CXADR: variants seen among roughly 807,000 people sequenced by gnomAD.
The protein encoded by CXADR is CXADR cell adhesion molecule, also known as coxsackievirus and adenovirus receptor.
Under a neutral mutation model 40.3 loss-of-function variants are expected in CXADR, and 20 were observed. The observed-to-expected ratio is 0.50, with a 90% confidence interval of 0.35 to 0.72. The LOEUF is 0.72. Ranked by LOEUF, CXADR falls within the 30% of genes least tolerant of loss-of-function variation. CXADR has a pLI of 0.01. For synonymous variants in CXADR, 150 were observed against 161.3 expected (o/e 0.93, Z 0.53); for missense variants, 332 against 449.1 (o/e 0.74, Z 2.36).
At chr21:17,594,469 A>C, downstream of CXADR, 1 of 1,024,046 alleles carries the variant, frequency 9.8e-7, no homozygotes, top group Non-Finnish European at 1.4e-6. Flanking sequence ...GTCAGGTCTA[A>C]ATACATTAAA....
At chr21:17,563,843 A>G (rs971960107) in intron 6 of CXADR, among the ~76,000 whole-genome samples, 2 of 147,824 alleles carry the variant, frequency 1.4e-5, no homozygotes, top group African/African-American at 5.0e-5. Flanking sequence ...CGGGAGGCTG[A>G]GGCAAGAGAA....
chr21:17,556,191 G>A (rs533159006), intron 3 of CXADR, among the ~76,000 whole-genome samples: 84 of 152,192 alleles, frequency 5.5e-4, no homozygotes, highest in Non-Finnish European at 8.1e-4. Flanking sequence ...GACTTTATTC[G>A]TGCTCTCTTT....
chr21:17,599,321 C>T, the CXADR span, among the ~76,000 whole-genome samples: 1 of 151,860 alleles, frequency 6.6e-6, no homozygotes, highest in Non-Finnish European at 1.5e-5. Context: ...GCTGGGACTA[C>T]AGGAGTGTAC....
chr21:17,516,817 T>C (rs1600936968), intron 1 of CXADR, among the ~76,000 whole-genome samples: 1 of 45,346 alleles, frequency 2.2e-5, no homozygotes, highest in South Asian at 7.7e-4. Flanking sequence ...GGATTTTAAG[T>C]GTTCTCACCA....
intron 1 of CXADR, among the ~76,000 whole-genome samples, chr21:17,535,074 G>A (rs1052172786): frequency 5.9e-5 from 9 of 151,692 alleles, no homozygotes; most frequent in African/African-American, 9.7e-5. Context: ...GAGCCACCGC[G>A]CCCGGCCTCT....
the CXADR span, among the ~76,000 whole-genome samples, chr21:17,625,304 T>C: frequency 6.6e-6 from 1 of 152,098 alleles, no homozygotes; most frequent in Admixed American, 6.5e-5. Context: ...GCAACTTCTA[T>C]AGGTATCTCC....
chr21:17,611,972 T>C, the CXADR span: 1 of 152,264 alleles, frequency 6.6e-6, no homozygotes, highest in Non-Finnish European at 1.5e-5. Flanking sequence ...CGGCCCGACC[T>C]CAGCGGCGCC....
rs777604400 is a variant in CXADR at position 17,560,832 on chromosome 21, A to G, written c.694+8A>G. Reference sequence around the variant, plus strand: ...GTCTAAACGTTGTCCCTCGTAAGTTATCTTCTTTCTGTTGGTGGTTTTGTT... The same window carrying G: ...GTCTAAACGTTGTCCCTCGTAAGTTGTCTTCTTTCTGTTGGTGGTTTTGTT... On this transcript the variant is annotated splice_region_variant and intron_variant, in intron 5 of 6. Transcript: ENST00000284878. The G allele has an allele frequency of 3.1e-6, 5 of 1,612,116 alleles. No individual in the cohort carries two copies. In the African/African-American group the frequency reaches 6.7e-5, roughly 22 times the overall value.
At chr21:17,631,066 A>G in the CXADR span, among the ~76,000 whole-genome samples, 1 of 152,340 alleles carries the variant, frequency 6.6e-6, no homozygotes, top group Admixed American at 6.5e-5. Context: ...ATAGTTGTAA[A>G]AAGATCAGTA....
At chr21:17,614,207 T>C in the CXADR span, 1 of 152,222 alleles carries the variant, frequency 6.6e-6, no homozygotes, top group Non-Finnish European at 1.5e-5. Flanking sequence ...GGTGTTTTTA[T>C]TTTAAAATCA....
chr21:17,521,705 G>A (rs2060532695), intron 1 of CXADR, among the ~76,000 whole-genome samples: 1 of 152,212 alleles, frequency 6.6e-6, no homozygotes, highest in African/African-American at 2.4e-5. Flanking sequence ...TGGTTTGACA[G>A]TGAAGCTTTG....
At chr21:17,531,343 G>A (rs1447964597) in intron 1 of CXADR, among the ~76,000 whole-genome samples, 2 of 151,708 alleles carry the variant, frequency 1.3e-5, no homozygotes, top group Non-Finnish European at 2.9e-5. Flanking sequence ...GAAAGTTCCA[G>A]TTGCGCTACA....
In CXADR at chr21:17,565,551, C is replaced by A. The variant is rs1401838710; in HGVS notation, c.957C>A (p.Asn319Lys). Reference protein sequence around the residue: ...NMEGYSKTQYNQVPSEDFERT... With the variant: ...NMEGYSKTQYKQVPSEDFERT... Reference sequence around the variant, plus strand: ...AAGGATATTCCAAGACTCAGTATAACCAAGTACCAAGTGAAGACTTTGAAC... The same window carrying A: ...AAGGATATTCCAAGACTCAGTATAAACAAGTACCAAGTGAAGACTTTGAAC... Residue 319 changes from asparagine (N) to lysine (K), a missense_variant, in exon 7 of 7, where the codon AAC (asparagine) becomes AAA (lysine). Around this residue, in one of 3 missense-constraint regions of CXADR, gnomAD observed 150 missense variants for 194.2 expected, o/e 0.77. Transcript: ENST00000284878. 6.2e-7 allele frequency: 1 copy of A among 1,613,868 alleles called. No homozygotes were observed. Among genetic ancestry groups the A allele is most frequent in the Admixed American group, 1.7e-5 (1 of 60,012 alleles).
intron 1 of CXADR, among the ~76,000 whole-genome samples, chr21:17,516,544 G>A (rs183114155): frequency 1.9e-4 from 29 of 152,258 alleles, no homozygotes; most frequent in Admixed American, 1.8e-3. Context: ...TAAAGTTTGG[G>A]GTGGTGTTCT....
chr21:17,612,807 G>C, the CXADR span: 1 of 152,160 alleles, frequency 6.6e-6, no homozygotes, highest in South Asian at 2.1e-4. Context: ...AACAGGGAGC[G>C]CAGCGAGCCT....
At chr21:17,607,541 T>C in the CXADR span, among the ~76,000 whole-genome samples, 3 of 152,336 alleles carry the variant, frequency 2.0e-5, no homozygotes, top group Admixed American at 2.0e-4. Context: ...GATTCTCTTC[T>C]TGTCAATAGA....
the CXADR span, among the ~76,000 whole-genome samples, chr21:17,620,621 T>C: frequency 0.024 from 3,690 of 152,148 alleles, 150 homozygotes; most frequent in African/African-American, 0.081. Context: ...AAATCTTCAA[T>C]TTGTAAAAAA....
intron 1 of CXADR, among the ~76,000 whole-genome samples, chr21:17,534,789 C>CTTTTTTTTTTTTTT (rs11427595): frequency 6.3e-4 from 83 of 131,920 alleles, no homozygotes; most frequent in East Asian, 2.8e-3. Flanking sequence ...TATTTTCTTC[C>CTTTTTTTTTTTTTT]TTTTTTTTTT....
the CXADR span, among the ~76,000 whole-genome samples, chr21:17,617,789 G>A: frequency 7.6e-4 from 116 of 152,262 alleles, no homozygotes; most frequent in Non-Finnish European, 1.2e-3. Context: ...GGGTGATGAA[G>A]GTCGGGGTGG....
Sources: allele counts gnomAD v4.1 joint callset (sites outside exome capture counted in the v4.1 genomes callset), GRCh38; gene constraint gnomAD v4.1.1; regional missense constraint gnomAD v4.1.1; transcripts MANE v1.5; gene names NCBI Gene and HGNC (gene_info 2026-07-23, HGNC 2026-07-21).